EYS: variants seen among roughly 807,000 people sequenced by gnomAD.
EYS encodes the protein protein eyes shut homolog.
EYS carries 250 observed loss-of-function variants against 282.1 expected under a neutral mutation model. The observed-to-expected ratio is 0.89, with a 90% CI of 0.80 to 0.98. The LOEUF is 0.98. EYS is among the 50% of genes least tolerant of loss of function. The pLI, the probability that EYS is intolerant of heterozygous loss-of-function variation, is 0.00. For missense variants in EYS, 4,016 were observed against 3,709.0 expected, an observed-to-expected ratio of 1.08 and a Z score of -2.15; for synonymous variants, 1,355 against 1,282.9, an observed-to-expected ratio of 1.06 and a Z score of -1.20.
intron 36 of EYS, among the ~76,000 whole-genome samples, chr6:63,845,053 G>T (rs1772063134): frequency 6.6e-6 from 1 of 152,068 alleles, no homozygotes; most frequent in African/African-American, 2.4e-5. Context: ...GTAAGGAAAG[G>T]GTCCAGTTTC....
intron 29 of EYS, among the ~76,000 whole-genome samples, chr6:64,317,015 AG>A (rs1769997215): frequency 6.6e-6 from 1 of 152,240 alleles, no homozygotes; most frequent in Admixed American, 6.5e-5. Flanking sequence ...GCCCATATGC[AG>A]GAAGGTGAAA....
In EYS at chr6:63,730,801, C is replaced by T. The variant is rs1005353624; in HGVS notation, c.8072-4121G>A. ...CTTTGGGAGGGCAAGGTGGGCGGAT[C>T]ACGAGGTCAAGAGATCGAGACCAAC... On this transcript the variant is annotated intron_variant, in intron 41 of 42. Coordinates refer to ENST00000503581, the MANE Select transcript of EYS (RefSeq NM_001142800.2). Among the ~76,000 whole-genome samples, 11 of 152,222 alleles carry T rather than the reference C, an allele frequency of 7.2e-5. No individual in the cohort carries two copies. In the East Asian group the frequency reaches 2.1e-3, roughly 29 times the overall value.
chr6:65,079,914 G>T (rs1379020491), intron 12 of EYS, among the ~76,000 whole-genome samples: 1 of 152,078 alleles, frequency 6.6e-6, no homozygotes, highest in South Asian at 2.1e-4. Flanking sequence ...ACAGAAGTGG[G>T]ATAATAACAG....
At chr6:65,692,570 A>G (rs1769283171) in intron 1 of EYS, among the ~76,000 whole-genome samples, 2 of 150,192 alleles carry the variant, frequency 1.3e-5, no homozygotes, top group Admixed American at 1.3e-4. Context: ...TTATAATTGT[A>G]AAAGATGTCA....
chr6:65,274,494 A>T (rs1339816533), intron 12 of EYS, among the ~76,000 whole-genome samples: 3 of 152,180 alleles, frequency 2.0e-5, no homozygotes, highest in African/African-American at 7.2e-5. Flanking sequence ...ACAGCTATTG[A>T]TCTAGCAAAC....
intron 12 of EYS, among the ~76,000 whole-genome samples, chr6:65,231,190 AATAT>A (rs1357505531): frequency 8.2e-6 from 1 of 122,464 alleles, no homozygotes; most frequent in Non-Finnish European, 1.8e-5. Context: ...ATATAAAGAA[AATAT>A]ATATATATTT....
chr6:64,318,804 T>G (rs942125302), intron 29 of EYS, among the ~76,000 whole-genome samples: 1 of 151,856 alleles, frequency 6.6e-6, no homozygotes, highest in Non-Finnish European at 1.5e-5. Flanking sequence ...TATAGATATT[T>G]GTGGGGTATA....
rs60714494 is a variant in EYS, at chr6:64,219,700, T to G, written c.6424+10892A>C. Among the ~76,000 whole-genome samples the G allele has an allele frequency of 6.2e-3, 948 of 152,326 alleles. 8 individuals are homozygous for G. Among genetic ancestry groups the G allele is most frequent in the African/African-American group, 0.022 (907 of 41,578 alleles). On this transcript the variant is annotated intron_variant, in intron 31 of 42. Coordinates refer to ENST00000503581, the MANE Select transcript of EYS (RefSeq NM_001142800.2). ...CCATATCCTCTCCAGCACCTGTTGTTTCCTGACTTTTGAATGATCGCCATT... is the reference window on the plus strand; with the variant it reads ...CCATATCCTCTCCAGCACCTGTTGTGTCCTGACTTTTGAATGATCGCCATT...
chr6:65,212,652 A>G (rs1331983849), intron 12 of EYS, among the ~76,000 whole-genome samples: 1 of 152,154 alleles, frequency 6.6e-6, no homozygotes, highest in African/African-American at 2.4e-5. Context: ...TATAGAACAC[A>G]TTGATTACTA....
At chr6:64,277,631 A>G (rs1053479700) in intron 30 of EYS, among the ~76,000 whole-genome samples, 2 of 152,156 alleles carry the variant, frequency 1.3e-5, no homozygotes, top group South Asian at 2.1e-4. Flanking sequence ...TTACCTTTCA[A>G]GGAGAACGAG....
chr6:64,295,566 A>AG (rs572474881), intron 30 of EYS, among the ~76,000 whole-genome samples: 158 of 12,978 alleles, frequency 0.012, 63 homozygotes, highest in African/African-American at 0.071. Context: ...AAGAAGAAGA[A>AG]AAGAAGAAGA....
At chr6:64,021,418 A>T (rs1769185695) in intron 33 of EYS, among the ~76,000 whole-genome samples, 1 of 151,864 alleles carries the variant, frequency 6.6e-6, no homozygotes, top group Non-Finnish European at 1.5e-5. Flanking sequence ...TCTAGTAGGC[A>T]GAGGTCAGGG....
intron 33 of EYS, among the ~76,000 whole-genome samples, chr6:64,001,522 T>C (rs1327499796): frequency 6.6e-6 from 1 of 152,162 alleles, no homozygotes. Flanking sequence ...GCAATATTGG[T>C]GGAAACATTC....
intron 13 of EYS, among the ~76,000 whole-genome samples, chr6:65,033,604 G>A (rs1243029546): frequency 1.3e-5 from 2 of 152,170 alleles, no homozygotes; most frequent in Non-Finnish European, 2.9e-5. Flanking sequence ...GAATCCATAT[G>A]GTGTTAAGCC....
chr6:64,413,529 AAC>A (rs1773971983), intron 28 of EYS, among the ~76,000 whole-genome samples: 1 of 10,612 alleles, frequency 9.4e-5, no homozygotes, highest in Non-Finnish European at 2.0e-4. Context: ...TTGTCCAAAC[AAC>A]AACAACAACA....
chr6:65,263,001 A>T (rs1332494344), intron 12 of EYS, among the ~76,000 whole-genome samples: 8 of 152,166 alleles, frequency 5.3e-5, no homozygotes, highest in Admixed American at 3.3e-4. Flanking sequence ...AACAATCAAA[A>T]CATATAAAAA....
chr6:64,038,460 C>A (rs1477129121), intron 33 of EYS, among the ~76,000 whole-genome samples: 5 of 151,926 alleles, frequency 3.3e-5, no homozygotes. Context: ...TTAAAATAAA[C>A]AATACATTAA....
intron 31 of EYS, among the ~76,000 whole-genome samples, chr6:64,117,314 G>GA (rs200036247): frequency 0.026 from 3,443 of 134,840 alleles, 115 homozygotes; most frequent in African/African-American, 0.086. Context: ...CAAGGAACTA[G>GA]AAAGAGAGGA....
At chr6:64,879,310 T>G (rs1766843876) in intron 19 of EYS, among the ~76,000 whole-genome samples, 1 of 152,132 alleles carries the variant, frequency 6.6e-6, no homozygotes, top group African/African-American at 2.4e-5. Flanking sequence ...AGTCAGGCAT[T>G]CCCATTCATT....
Sources: allele counts gnomAD v4.1 joint callset (sites outside exome capture counted in the v4.1 genomes callset), GRCh38; gene constraint gnomAD v4.1.1; transcripts MANE v1.5; gene names NCBI Gene and HGNC (gene_info 2026-07-23, HGNC 2026-07-21).